ELFN1: variants seen among roughly 807,000 people sequenced by gnomAD.
ELFN1 encodes the protein extracellular leucine rich repeat and fibronectin type III domain containing 1.
ELFN1 carries 6 observed loss-of-function variants against 7.6 expected under a neutral mutation model. The observed-to-expected ratio is 0.79, with a 90% confidence interval of 0.43 to 1.56. The LOEUF is 1.56. ELFN1 is among the 40% of genes most tolerant of loss of function. The pLI is 0.01. For synonymous variants in ELFN1, 657 were observed against 588.1 expected (o/e 1.12, Z -1.70); for missense variants, 1,169 against 1,232.2 (o/e 0.95, Z 0.77).
intron 3 of ELFN1, among the ~76,000 whole-genome samples, chr7:1,731,885 G>A (rs1391925000): frequency 6.6e-6 from 1 of 152,204 alleles, no homozygotes; most frequent in Non-Finnish European, 1.5e-5. Context: ...CCTGAGCTCA[G>A]GTGATCTGTC....
At chr7:1,723,902 T>C (rs1780101188) in intron 3 of ELFN1, among the ~76,000 whole-genome samples, 1 of 152,034 alleles carries the variant, frequency 6.6e-6, no homozygotes, top group Non-Finnish European at 1.5e-5. Context: ...CTCCTCCCAC[T>C]TTTTTTTGGA....
At chr7:1,696,378 GTCTT>G (rs1238858861) in intron 2 of ELFN1, among the ~76,000 whole-genome samples, 15 of 151,050 alleles carry the variant, frequency 9.9e-5, no homozygotes, top group South Asian at 2.1e-4. Context: ...ATGCCCTGGT[GTCTT>G]TCTTTCTTTC....
chr7:1,710,273 G>C (rs927551951), intron 3 of ELFN1, among the ~76,000 whole-genome samples: 11 of 152,156 alleles, frequency 7.2e-5, no homozygotes, highest in African/African-American at 2.4e-4. Context: ...CATTACATGG[G>C]GGGACAGACA....
intron 3 of ELFN1, among the ~76,000 whole-genome samples, chr7:1,729,337 T>C (rs1016758133): frequency 6.6e-6 from 1 of 152,218 alleles, no homozygotes; most frequent in African/African-American, 2.4e-5. Context: ...CAGCTTCTTT[T>C]GCTCAGGGTT....
intron 2 of ELFN1, among the ~76,000 whole-genome samples, chr7:1,690,545 GGAT>G (rs1418525679): frequency 6.6e-6 from 1 of 151,352 alleles, no homozygotes; most frequent in Non-Finnish European, 1.5e-5. Context: ...ACAGATATAT[GGAT>G]GATGGATGGA....
At chr7:1,737,457 C>A (rs187801930) in intron 3 of ELFN1, among the ~76,000 whole-genome samples, 5 of 152,286 alleles carry the variant, frequency 3.3e-5, no homozygotes, top group African/African-American at 1.2e-4. Context: ...GAGTCGGGGT[C>A]TTTTCTGCTG....
intron 3 of ELFN1, among the ~76,000 whole-genome samples, chr7:1,724,296 T>G (rs1780113683): frequency 6.6e-6 from 1 of 152,204 alleles, no homozygotes; most frequent in Admixed American, 6.5e-5. Context: ...CAGAACCAGA[T>G]CACCTCCTCT....
At chr7:1,674,583 C>T (rs1778831009) in intron 1 of ELFN1, among the ~76,000 whole-genome samples, 1 of 152,066 alleles carries the variant, frequency 6.6e-6, no homozygotes, top group Non-Finnish European at 1.5e-5. Flanking sequence ...GGTGTGAGGC[C>T]CCCAGAGCAG....
At chr7:1,730,696 G>C (rs558781243) in intron 3 of ELFN1, among the ~76,000 whole-genome samples, 1 of 152,274 alleles carries the variant, frequency 6.6e-6, no homozygotes, top group African/African-American at 2.4e-5. Flanking sequence ...TCAAGAATCT[G>C]TCTCAGTTCA....
At chr7:1,680,724 CTG>C (rs1778959458) in intron 1 of ELFN1, among the ~76,000 whole-genome samples, 2 of 151,048 alleles carry the variant, frequency 1.3e-5, no homozygotes, top group African/African-American at 4.9e-5. Flanking sequence ...CACCCTGTCT[CTG>C]TGGATTTACA....
rs1297604174 is a variant in ELFN1, at chr7:1,705,455, C to G, written c.-455-3636C>G. Among the ~76,000 whole-genome samples the G allele has an allele frequency of 1.3e-5, 2 of 152,228 alleles. No homozygotes were observed. The highest frequency in any genetic ancestry group is 2.1e-4 in the South Asian group (1 of 4,834). On this transcript the variant is annotated intron_variant, in intron 2 of 3. Coordinates refer to ENST00000424383, the MANE Select transcript of ELFN1 (RefSeq NM_001128636.4). This position sits in a 1 kb window ranked among gnomAD's most constrained non-coding sequence, Gnocchi z 4.3. Reference sequence around the variant, plus strand: ...CCTGGAAGGAGGAGGAGGAGCTCCCCCCAACCGCCAGGGTGCCAGGGGAGT... The same window carrying G: ...CCTGGAAGGAGGAGGAGGAGCTCCCGCCAACCGCCAGGGTGCCAGGGGAGT...
upstream of ELFN1, among the ~76,000 whole-genome samples, chr7:1,669,193 C>T (rs1349593333): frequency 6.6e-6 from 1 of 152,248 alleles, no homozygotes; most frequent in African/African-American, 2.4e-5. Context: ...TCTCCGGTCC[C>T]CACACACTAT....
Position 1,745,421 on chromosome 7 carries a change from C to A in ELFN1, c.825C>A (p.Ser275=), listed in dbSNP as rs917917241. ...CCGGGCGCTCACAGCCGGGCCGCTCCCCGCCGCCCCCGCCTCCGCCGGAGC... is the reference window on the plus strand; with the variant it reads ...CCGGGCGCTCACAGCCGGGCCGCTCACCGCCGCCCCCGCCTCCGCCGGAGC... The part of the protein sequence containing the change: ...PASGRSQPGR[S]PPPPPPPEPS... Residue 275 remains serine (S), a synonymous_variant, in exon 4 of 4, where the codon TCC becomes TCA. Coordinates refer to ENST00000424383, the MANE Select transcript of ELFN1 (RefSeq NM_001128636.4). 13 of 1,538,986 alleles carry A rather than the reference C, an allele frequency of 8.4e-6. No individual in the cohort carries two copies. The highest frequency in any genetic ancestry group is 1.0e-5 in the Non-Finnish European group (12 of 1,146,084).
intron 3 of ELFN1, among the ~76,000 whole-genome samples, chr7:1,737,127 C>G (rs1780471226): frequency 1.3e-5 from 2 of 152,268 alleles, no homozygotes; most frequent in East Asian, 3.9e-4. Context: ...CCTGGGATGC[C>G]TGTTACCCTC....
At chr7:1,700,765 C>T (rs934062842) in intron 2 of ELFN1, among the ~76,000 whole-genome samples, 7 of 152,226 alleles carry the variant, frequency 4.6e-5, no homozygotes, top group Non-Finnish European at 8.8e-5. Flanking sequence ...CCTTCCCCAG[C>T]GCCAGATCTG....
upstream of ELFN1, among the ~76,000 whole-genome samples, chr7:1,668,726 A>G (rs1778708547): frequency 6.6e-6 from 1 of 152,172 alleles, no homozygotes; most frequent in Non-Finnish European, 1.5e-5. Context: ...GGCTTGCAGT[A>G]TCTATCTGGT....
intron 1 of ELFN1, among the ~76,000 whole-genome samples, chr7:1,684,289 C>T (rs1003462317): frequency 6.6e-6 from 1 of 152,140 alleles, no homozygotes; most frequent in Non-Finnish European, 1.5e-5. Flanking sequence ...TATATTTGAA[C>T]TAAAATGTAC....
At chr7:1,713,533 T>A (rs1779729006) in intron 3 of ELFN1, among the ~76,000 whole-genome samples, 1 of 152,164 alleles carries the variant, frequency 6.6e-6, no homozygotes, top group African/African-American at 2.4e-5. Flanking sequence ...GTTGCTTTTA[T>A]CCAGGCAGTG....
chr7:1,726,802 C>T (rs911795163), intron 3 of ELFN1, among the ~76,000 whole-genome samples: 18 of 152,162 alleles, frequency 1.2e-4, no homozygotes, highest in African/African-American at 2.4e-4. Context: ...GGCCCACAGG[C>T]GGGCTGGGAT....
Sources: gnomAD v4.1 joint callset for allele counts (sites outside exome capture counted in the v4.1 genomes callset) on GRCh38, gnomAD v4.1.1 for gene constraint, Gnocchi (gnomAD v3.1) non-coding constraint, MANE v1.5 for transcripts, NCBI Gene and HGNC (gene_info 2026-07-23, HGNC 2026-07-21) for gene names.